Variants in KIF6 observed in about 807,000 individuals in gnomAD.
KIF6 encodes the protein kinesin family member 6.
KIF6 carries 106 observed loss-of-function variants against 112.7 expected under a neutral mutation model. The ratio of observed to expected loss-of-function variants is 0.94; its 90% CI spans 0.80 to 1.11. The LOEUF (loss-of-function observed/expected upper bound fraction) is 1.11. KIF6 is among the 50% of genes least tolerant of loss of function. The pLI is 0.00. For synonymous variants in KIF6, 339 were observed against 339.9 expected, an observed-to-expected ratio of 1.00 and a Z score of 0.03; for missense variants, 929 against 964.0, an observed-to-expected ratio of 0.96 and a Z score of 0.48.
At chr6:39,504,912 T>C (rs1218238285) in intron 13 of KIF6, among the ~76,000 whole-genome samples, 1 of 152,148 alleles carries the variant, frequency 6.6e-6, no homozygotes, top group East Asian at 1.9e-4. Context: ...ATTGTGAAAA[T>C]GGCCATACTG....
At chr6:39,472,683 T>C (rs1774187820) in intron 13 of KIF6, among the ~76,000 whole-genome samples, 1 of 152,198 alleles carries the variant, frequency 6.6e-6, no homozygotes, top group Non-Finnish European at 1.5e-5. Context: ...TGCCTGACTT[T>C]CTTGACCTTG....
chr6:39,611,101 T>C (rs1783190857), intron 6 of KIF6, among the ~76,000 whole-genome samples: 1 of 151,988 alleles, frequency 6.6e-6, no homozygotes, highest in Non-Finnish European at 1.5e-5. Flanking sequence ...AGGCCAGGAG[T>C]TCCAGACCAG....
rs1392668514 is a variant in KIF6 at position 39,725,366 on chromosome 6, C to G, written c.-56G>C. The G allele has an allele frequency of 2.1e-6, 3 of 1,452,466 alleles. No individual in the cohort carries two copies. Among genetic ancestry groups the G allele is most frequent in the Non-Finnish European group, 2.9e-6 (3 of 1,045,028 alleles). The allele number at this position is 1,452,466 out of a possible 1,614,324, so 90.0% of individuals were successfully genotyped here. ...CTCTCTCAGGCCCGGGCTGCCAAAA[C>G]TAACTCCCACCACCTCCGGCGACCC... On this transcript the variant is annotated 5_prime_UTR_variant, in exon 1 of 23. Coordinates refer to ENST00000287152, the MANE Select transcript of KIF6 (RefSeq NM_145027.6).
intron 10 of KIF6, among the ~76,000 whole-genome samples, chr6:39,553,343 C>A (rs941897754): frequency 6.6e-6 from 1 of 152,220 alleles, no homozygotes; most frequent in Non-Finnish European, 1.5e-5. Context: ...ATATTTCCTT[C>A]ACCTCAACAA....
At chr6:39,527,462 A>G (rs959485787) in intron 13 of KIF6, among the ~76,000 whole-genome samples, 5 of 152,146 alleles carry the variant, frequency 3.3e-5, no homozygotes, top group Non-Finnish European at 7.3e-5. Flanking sequence ...ATACCTCCCC[A>G]GAGCACAACT....
intron 16 of KIF6, among the ~76,000 whole-genome samples, chr6:39,384,984 C>T (rs1255930477): frequency 1.3e-5 from 2 of 152,238 alleles, no homozygotes; most frequent in Non-Finnish European, 2.9e-5. Flanking sequence ...TAGAATATGA[C>T]TGTCCTTGTT....
chr6:39,356,086 A>C (rs1764659644), intron 19 of KIF6, among the ~76,000 whole-genome samples: 1 of 151,342 alleles, frequency 6.6e-6, no homozygotes. Flanking sequence ...CGAGTCTCAC[A>C]CTTGGTTTTT....
At chr6:39,350,988 C>T (rs1764200266) in intron 19 of KIF6, among the ~76,000 whole-genome samples, 1 of 152,132 alleles carries the variant, frequency 6.6e-6, no homozygotes, top group Non-Finnish European at 1.5e-5. Flanking sequence ...TCGCCGGCAG[C>T]AACCACAGGG....
At chr6:39,622,027 T>C (rs115476195) in intron 5 of KIF6, among the ~76,000 whole-genome samples, 2,843 of 151,562 alleles carry the variant, frequency 0.019, 85 homozygotes, top group African/African-American at 0.064. Context: ...ATTAGACGGG[T>C]GGGGCGGCGG....
chr6:39,589,933 T>C (rs552970602), intron 7 of KIF6, among the ~76,000 whole-genome samples: 2 of 152,302 alleles, frequency 1.3e-5, no homozygotes, highest in African/African-American at 4.8e-5. Flanking sequence ...ATTTGACAAA[T>C]ATAAAATGTG....
At chr6:39,651,966 G>A (rs1014929755) in intron 3 of KIF6, among the ~76,000 whole-genome samples, 1 of 152,100 alleles carries the variant, frequency 6.6e-6, no homozygotes, top group African/African-American at 2.4e-5. Flanking sequence ...CTACCCTGCA[G>A]GCCATAGACA....
intron 13 of KIF6, among the ~76,000 whole-genome samples, chr6:39,462,537 A>G (rs891619396): frequency 6.6e-6 from 1 of 152,204 alleles, no homozygotes; most frequent in African/African-American, 2.4e-5. Flanking sequence ...AGCTGAAAGC[A>G]TCCTAATGGG....
intron 3 of KIF6, among the ~76,000 whole-genome samples, chr6:39,645,192 T>C (rs1785099519): frequency 6.6e-6 from 1 of 152,180 alleles, no homozygotes; most frequent in African/African-American, 2.4e-5. Flanking sequence ...CCTAGAAGTT[T>C]AAATTAGGAA....
intron 3 of KIF6, among the ~76,000 whole-genome samples, chr6:39,695,696 T>C (rs1258056108): frequency 6.6e-6 from 1 of 152,200 alleles, no homozygotes; most frequent in Non-Finnish European, 1.5e-5. Flanking sequence ...ACACTGTTCA[T>C]GGGAATGCAA....
rs368716556 is a variant in KIF6, at chr6:39,564,669, T to C, written c.1181+13387A>G. ...TGGGGGATAGTTTCATGAGGTATCT[T>C]ACATTTTATCTTGGTGTGCTTTTGC... On this transcript the variant is annotated intron_variant, in intron 10 of 22. Transcript: ENST00000287152. 8.1e-4 allele frequency among the ~76,000 whole-genome samples: 124 copies of C among 152,330 alleles called. 1 individual carries two copies. The highest frequency in any genetic ancestry group is 2.8e-3 in the African/African-American group (118 of 41,578).
intron 15 of KIF6, among the ~76,000 whole-genome samples, chr6:39,414,853 G>T (rs1315716070): frequency 8.6e-5 from 13 of 151,930 alleles, no homozygotes; most frequent in Admixed American, 8.5e-4. Context: ...AGAAATTCTA[G>T]TCTGGCCACT....
rs184469775 is a variant in KIF6, at chr6:39,370,626, A to G, written c.1862-8108T>C. ...GCTAGACAACCCAAACACTCACATCAGCATTTGAAAAGGGCCAAAATAAAT... is the reference window on the plus strand; with the variant it reads ...GCTAGACAACCCAAACACTCACATCGGCATTTGAAAAGGGCCAAAATAAAT... On this transcript the variant is annotated intron_variant, in intron 16 of 22. Transcript: ENST00000287152. Among the ~76,000 whole-genome samples the G allele has an allele frequency of 1.6e-3, 246 of 152,352 alleles. 1 individual carries two copies. Among genetic ancestry groups the G allele is most frequent in the Middle Eastern group, 3.4e-3 (1 of 294 alleles).
At chr6:39,593,608 G>C (rs1457041951) in intron 7 of KIF6, among the ~76,000 whole-genome samples, 1 of 152,210 alleles carries the variant, frequency 6.6e-6, no homozygotes, top group Non-Finnish European at 1.5e-5. Context: ...GAGTGATGCA[G>C]TGGGTGAAAA....
chr6:39,410,598 A>T (rs1253299926), intron 15 of KIF6, among the ~76,000 whole-genome samples: 1 of 152,250 alleles, frequency 6.6e-6, no homozygotes, highest in African/African-American at 2.4e-5. Flanking sequence ...CAATGGAGGA[A>T]CTCATAAAAG....
Sources: gnomAD v4.1 joint callset for allele counts (sites outside exome capture counted in the v4.1 genomes callset) on GRCh38, gnomAD v4.1.1 for gene constraint, MANE v1.5 for transcripts, NCBI Gene and HGNC (gene_info 2026-07-23, HGNC 2026-07-21) for gene names.